Variants in PCDHAC2 observed in about 807,000 individuals in gnomAD.
PCDHAC2 encodes protocadherin alpha-C2.
A neutral mutation model predicts 63.3 loss-of-function variants in PCDHAC2; 24 were observed. The ratio of observed to expected loss-of-function variants is 0.38; its 90% CI spans 0.27 to 0.53. The LOEUF (loss-of-function observed/expected upper bound fraction) is 0.53. Ranked by LOEUF, PCDHAC2 falls within the 20% of genes least tolerant of loss-of-function variation. The pLI, the probability that PCDHAC2 is intolerant of heterozygous loss-of-function variation, is 0.81. For missense variants in PCDHAC2, 1,181 were observed against 1,275.2 expected, an observed-to-expected ratio of 0.93 and a Z score of 1.12; for synonymous variants, 569 against 529.4, an observed-to-expected ratio of 1.07 and a Z score of -1.03.
chr5:140,991,308 C>T (rs374484318), intron 3 of PCDHAC2, among the ~76,000 whole-genome samples: 1 of 152,282 alleles, frequency 6.6e-6, no homozygotes, highest in South Asian at 2.1e-4. Flanking sequence ...ATTATCTTGT[C>T]CCGCATGATA....
In PCDHAC2 at chr5:140,969,265, A is replaced by T; in HGVS notation, c.2499A>T (p.Thr833=). 1.9e-6 allele frequency: 3 copies of T among 1,614,250 alleles called. No homozygotes were observed. The highest frequency in any genetic ancestry group is 2.5e-6 in the Non-Finnish European group (3 of 1,180,048). ...CAGTGACTGACAGCAGGAATCTCAC[A>T]GGCCAAAGTGGTCAGAATGCTGGGA... The part of the protein sequence containing the change: ...QAAVTDSRNL[T]GQSGQNAGNL... The change falls in exon 1 of 4, where the codon ACA becomes ACT. Residue 833 remains threonine (T), a synonymous_variant. Coordinates refer to ENST00000289269, the MANE Select transcript of PCDHAC2 (RefSeq NM_018899.6).
Position 140,968,841 on chromosome 5 carries a change from A to G in PCDHAC2, c.2075A>G (p.Gln692Arg). The G allele has an allele frequency of 6.2e-7, 1 of 1,614,222 alleles. No individual in the cohort carries two copies. Among genetic ancestry groups the G allele is most frequent in the Middle Eastern group, 1.6e-4 (1 of 6,062 alleles). The change falls in exon 1 of 4, where the codon CAG becomes CGG. Residue 692 changes from glutamine (Q) to arginine (R), a missense_variant. By Grantham distance (43) the Gln-to-Arg change is conservative. Around this residue, in one of 3 missense-constraint regions of PCDHAC2, gnomAD observed 968 missense variants for 1,073.5 expected, o/e 0.90. Transcript: ENST00000289269. ...DRVSKILPDT[Q>R]RHVKSPRTYS... is the part of the protein sequence containing the mutation. ...GTTTCCAAAATCCTCCCTGACACTC[A>G]GAGGCATGTTAAGAGCCCTCGGACA...
At chr5:140,981,284 G>A (rs1554242765) in intron 2 of PCDHAC2, among the ~76,000 whole-genome samples, 4 of 152,094 alleles carry the variant, frequency 2.6e-5, no homozygotes, top group Non-Finnish European at 5.9e-5. Context: ...GTTTAAAAGG[G>A]TCCTCTAGTC....
chr5:141,003,254 G>A (rs782245010), intron 3 of PCDHAC2, among the ~76,000 whole-genome samples: 17 of 152,190 alleles, frequency 1.1e-4, no homozygotes, highest in Non-Finnish European at 2.1e-4. Flanking sequence ...AAGATTCCTG[G>A]GCAGTGCCTA....
At chr5:140,969,359 C>A (rs1554231722) in intron 1 of PCDHAC2, 28 bp downstream of exon 1, 2 of 1,611,118 alleles carry the variant, frequency 1.2e-6, no homozygotes, top group Admixed American at 3.4e-5. Flanking sequence ...GGGTCTTCTA[C>A]AAACTCATGC....
At chr5:140,978,862 T>C (rs750080921) in intron 1 of PCDHAC2, 87 bp from the exon 2 acceptor site, 138 of 1,599,976 alleles carry the variant, frequency 8.6e-5, no homozygotes, top group Non-Finnish European at 1.1e-4. Flanking sequence ...CTGGAAATAT[T>C]TAAGGGAGTA....
intron 3 of PCDHAC2, among the ~76,000 whole-genome samples, chr5:141,002,660 T>C (rs1366913026): frequency 1.3e-5 from 2 of 152,170 alleles, no homozygotes; most frequent in Admixed American, 1.3e-4. Context: ...AGGGCTCTTG[T>C]CAGGACCAAA....
chr5:140,968,169 G>A lies in PCDHAC2; in HGVS notation c.1403G>A (p.Ser468Asn), dbSNP rs781969621. ...TCTGACATCAATGACAATCCACCAA[G>A]CTTCCTGGAGGACTCCTATTCCATC... is the stretch of plus-strand genomic sequence containing the variant. ...EISDINDNPP[S>N]FLEDSYSIYI... Residue 468 changes from serine (S) to asparagine (N), a missense_variant, in exon 1 of 4, where the codon AGC becomes AAC. This residue lies in a region of PCDHAC2 where 968 missense variants were observed against 1,073.5 expected (regional missense o/e 0.90). Transcript: ENST00000289269. The A allele has an allele frequency of 6.8e-6, 11 of 1,613,982 alleles. No individual in the cohort carries two copies. The highest frequency in any genetic ancestry group is 1.3e-5 in the African/African-American group (1 of 74,914).
At chr5:140,977,936 A>G (rs1444613652) in intron 1 of PCDHAC2, among the ~76,000 whole-genome samples, 2 of 152,202 alleles carry the variant, frequency 1.3e-5, no homozygotes, top group African/African-American at 4.8e-5. Context: ...CTATACCTCA[A>G]TATTCAGTGA....
intron 1 of PCDHAC2, among the ~76,000 whole-genome samples, chr5:140,974,165 G>T (rs1298109600): frequency 6.6e-6 from 1 of 152,164 alleles, no homozygotes; most frequent in Non-Finnish European, 1.5e-5. Flanking sequence ...TTTCTTTCAA[G>T]AATTTTAACT....
At chr5:140,993,883 A>G (rs1256857317) in intron 3 of PCDHAC2, among the ~76,000 whole-genome samples, 1 of 152,228 alleles carries the variant, frequency 6.6e-6, no homozygotes, top group East Asian at 1.9e-4. Flanking sequence ...AGTACGCTCT[A>G]TGATGTCCAT....
Position 140,995,742 on chromosome 5 carries a change from A to G in PCDHAC2, c.2713+13179A>G, listed in dbSNP as rs1354360972. Among the ~76,000 whole-genome samples the G allele has an allele frequency of 7.2e-5, 11 of 152,280 alleles. No individual in the cohort carries two copies. In the East Asian group the frequency reaches 2.1e-3, roughly 29 times the overall value. On this transcript the variant is annotated intron_variant, in intron 3 of 3. Coordinates refer to ENST00000289269, the MANE Select transcript of PCDHAC2 (RefSeq NM_018899.6). Reference sequence around the variant, plus strand: ...CTTAGGTAATCCTGGTGGATTTGGTATATCATGTCTGAGAAAATGTGGAGA... The same window carrying G: ...CTTAGGTAATCCTGGTGGATTTGGTGTATCATGTCTGAGAAAATGTGGAGA...
Position 141,011,543 on chromosome 5 carries a change from G to T in PCDHAC2, c.*1606G>T, listed in dbSNP as rs1478395558. The stretch of plus-strand genomic sequence containing the variant: ...TTTTAACCATTGTTAATCAGCTTTT[G>T]TGTATGAAAGACACAGTAAAATTTC... On this transcript the variant is annotated 3_prime_UTR_variant, in exon 4 of 4. Coordinates refer to ENST00000289269, the MANE Select transcript of PCDHAC2 (RefSeq NM_018899.6). 1.3e-5 allele frequency: 2 copies of T among 153,468 alleles called. No individual in the cohort carries two copies. Among genetic ancestry groups the T allele is most frequent in the African/African-American group, 4.8e-5 (2 of 41,376 alleles). The allele number at this position is 153,468 out of a possible 1,614,324, so 9.5% of individuals were successfully genotyped here. A position where few individuals can be genotyped will look rare whatever the true frequency, so the allele number is the denominator to read the frequency against.
chr5:140,968,944 G>C lies in PCDHAC2; in HGVS notation c.2178G>C (p.Leu726Phe), dbSNP rs782732835. 1.2e-6 allele frequency: 2 copies of C among 1,614,152 alleles called. No homozygotes were observed. The highest frequency in any genetic ancestry group is 8.5e-7 in the Non-Finnish European group (1 of 1,180,042). Residue 726 changes from leucine (L) to phenylalanine (F), a missense_variant, in exon 1 of 4, where the codon TTG (leucine) becomes TTC (phenylalanine). Leu to Phe is a conservative substitution (Grantham distance 22). This residue lies in a region of PCDHAC2 where 968 missense variants were observed against 1,073.5 expected (regional missense o/e 0.90). Transcript: ENST00000289269. ...TATTTCTTTTGACAATCATCATTTT[G>C]AGCATCATCAAGTGCTACCGCTACA... is the stretch of plus-strand genomic sequence containing the variant. ...SFIFLLTIII[L>F]SIIKCYRYTA... is the part of the protein sequence containing the mutation.
In PCDHAC2 at chr5:140,967,246, G is replaced by T. The variant is rs569213693; in HGVS notation, c.480G>T (p.Ser160=). The change falls in exon 1 of 4, where the codon TCG becomes TCT. Residue 160 remains serine, a synonymous_variant. Coordinates refer to ENST00000289269, the MANE Select transcript of PCDHAC2 (RefSeq NM_018899.6). ...ACTACCAGCTTCAGGTAAGCGAATCGGTGGCGCCTGGAGCGCGCTTTCACA... is the reference window on the plus strand; with the variant it reads ...ACTACCAGCTTCAGGTAAGCGAATCTGTGGCGCCTGGAGCGCGCTTTCACA... The part of the protein sequence containing the change: ...RPNYQLQVSE[S]VAPGARFHIE... The T allele has an allele frequency of 9.6e-5, 155 of 1,613,594 alleles. 2 individuals carry two copies. In the South Asian group the frequency reaches 1.4e-3, roughly 15 times the overall value.
At chr5:140,984,581 C>G (rs141574202) in intron 3 of PCDHAC2, among the ~76,000 whole-genome samples, 5 of 152,158 alleles carry the variant, frequency 3.3e-5, no homozygotes, top group African/African-American at 1.2e-4. Context: ...GCAACCTAAT[C>G]ATACTTTTCA....
intron 2 of PCDHAC2, among the ~76,000 whole-genome samples, chr5:140,980,627 T>C (rs1482574235): frequency 6.6e-6 from 1 of 151,860 alleles, no homozygotes; most frequent in African/African-American, 2.4e-5. Context: ...AGACTCTGTC[T>C]CAGAAGAATA....
chr5:141,002,918 GAACACCCTCC>G (rs1554258833), intron 3 of PCDHAC2, among the ~76,000 whole-genome samples: 1 of 152,192 alleles, frequency 6.6e-6, no homozygotes, highest in Non-Finnish European at 1.5e-5. Flanking sequence ...TCAGAAAAGT[GAACACCCTCC>G]AACACCCTCC....
chr5:140,978,656 G>A (rs2096815434), intron 1 of PCDHAC2, among the ~76,000 whole-genome samples: 1 of 152,248 alleles, frequency 6.6e-6, no homozygotes, highest in African/African-American at 2.4e-5. Flanking sequence ...TCTTCCCGTA[G>A]TGTTTTAAGA....
Sources: allele counts gnomAD v4.1 joint callset (sites outside exome capture counted in the v4.1 genomes callset), GRCh38; gene constraint gnomAD v4.1.1; regional missense constraint gnomAD v4.1.1; transcripts MANE v1.5; gene names NCBI Gene and HGNC (gene_info 2026-07-23, HGNC 2026-07-21).